The following CLVS1 variants were observed in gnomAD, a reference collection of about 807,000 sequenced individuals.
CLVS1 encodes clavesin-1.
Under a neutral mutation model 33.1 loss-of-function variants are expected in CLVS1, and 10 were observed. The observed-to-expected ratio is 0.30, with a 90% CI of 0.19 to 0.51. CLVS1 has a LOEUF of 0.51. Ranked by LOEUF, CLVS1 falls within the 20% of genes least tolerant of loss-of-function variation. The pLI is 0.97. For synonymous variants in CLVS1, 163 were observed against 166.1 expected (o/e 0.98, Z 0.14); for missense variants, 343 against 433.4 (o/e 0.79, Z 1.85).
At chr8:60,995,121 A>T in the CLVS1 span, among the ~76,000 whole-genome samples, 1 of 152,258 alleles carries the variant, frequency 6.6e-6, no homozygotes, top group Admixed American at 6.5e-5. Context: ...TTCATGTCTA[A>T]AACACCAAGC....
chr8:61,016,582 G>T, the CLVS1 span, among the ~76,000 whole-genome samples: 1 of 152,232 alleles, frequency 6.6e-6, no homozygotes, highest in Non-Finnish European at 1.5e-5. Flanking sequence ...TCCCTGAGCA[G>T]CTAAACTATC....
At chr8:61,000,164 C>T in the CLVS1 span, among the ~76,000 whole-genome samples, 9 of 152,276 alleles carry the variant, frequency 5.9e-5, no homozygotes, top group East Asian at 1.5e-3. Context: ...TGCTCTGAAT[C>T]CAATGATTTG....
intron 2 of CLVS1, among the ~76,000 whole-genome samples, chr8:61,365,526 T>C (rs1443359654): frequency 9.1e-6 from 1 of 109,492 alleles, no homozygotes; most frequent in Admixed American, 9.6e-5. Context: ...AAACACCATG[T>C]CAAAAAAAAA....
At chr8:61,139,667 G>A (rs185944233) in intron 2 of CLVS1, among the ~76,000 whole-genome samples, 1 of 152,198 alleles carries the variant, frequency 6.6e-6, no homozygotes, top group East Asian at 1.9e-4. Context: ...GGGGAGGCAC[G>A]GGGAGGGCGC....
intron 3 of CLVS1, among the ~76,000 whole-genome samples, chr8:61,434,831 T>C (rs1816257980): frequency 6.6e-6 from 1 of 152,140 alleles, no homozygotes; most frequent in Non-Finnish European, 1.5e-5. Context: ...CTCAGTTGAT[T>C]ATCTCCCGGG....
chr8:61,380,971 G>A (rs747557445), intron 3 of CLVS1, among the ~76,000 whole-genome samples: 4 of 152,014 alleles, frequency 2.6e-5, no homozygotes, highest in Non-Finnish European at 5.9e-5. Flanking sequence ...AAAAATATTT[G>A]ATTCCTTGAA....
At chr8:61,441,270 T>C (rs1366361921) in intron 3 of CLVS1, among the ~76,000 whole-genome samples, 5 of 152,206 alleles carry the variant, frequency 3.3e-5, no homozygotes, top group Admixed American at 1.3e-4. Flanking sequence ...GGTATGTGAC[T>C]GAAGGACTCC....
chr8:61,483,048 A>T (rs1160300175), intron 5 of CLVS1, among the ~76,000 whole-genome samples: 4 of 152,312 alleles, frequency 2.6e-5, no homozygotes, highest in South Asian at 4.2e-4. Context: ...AAGCAAGAGC[A>T]AACACATTCA....
chr8:61,055,325 C>T (rs1235530304), upstream of CLVS1, among the ~76,000 whole-genome samples: 1 of 152,218 alleles, frequency 6.6e-6, no homozygotes, highest in Admixed American at 6.5e-5. Flanking sequence ...GCCAGGTACA[C>T]ATCAATCTTC....
intron 5 of CLVS1, among the ~76,000 whole-genome samples, chr8:61,490,318 C>T (rs1480534241): frequency 6.9e-6 from 1 of 145,430 alleles, no homozygotes; most frequent in Non-Finnish European, 1.5e-5. Flanking sequence ...AGCAAAACTC[C>T]GTCTCAAAAA....
At chr8:60,971,912 A>G in the CLVS1 span, among the ~76,000 whole-genome samples, 1 of 151,524 alleles carries the variant, frequency 6.6e-6, no homozygotes, top group Admixed American at 6.6e-5. Context: ...TCAGTTTTCT[A>G]TTTTTGTGTA....
chr8:61,338,682 G>C (rs1184879837), intron 2 of CLVS1, among the ~76,000 whole-genome samples: 1 of 152,194 alleles, frequency 6.6e-6, no homozygotes, highest in East Asian at 1.9e-4. Flanking sequence ...AGCTGGCCCG[G>C]TGTCTCTCTC....
At chr8:61,359,866 C>T (rs950013327) in intron 2 of CLVS1, among the ~76,000 whole-genome samples, 2 of 152,148 alleles carry the variant, frequency 1.3e-5, no homozygotes, top group Admixed American at 6.5e-5. Context: ...GTCCCCTTGG[C>T]CTGCTTCATT....
At chr8:61,019,123 C>T in the CLVS1 span, among the ~76,000 whole-genome samples, 1 of 152,250 alleles carries the variant, frequency 6.6e-6, no homozygotes, top group Non-Finnish European at 1.5e-5. Flanking sequence ...TCTCCTATGC[C>T]TTAGATTGAC....
chr8:61,223,848 C>T (rs1480387240), intron 2 of CLVS1, among the ~76,000 whole-genome samples: 3 of 152,094 alleles, frequency 2.0e-5, no homozygotes, highest in Non-Finnish European at 4.4e-5. Flanking sequence ...TCCCATATTT[C>T]TTGGAGGCTT....
chr8:61,321,877 A>C (rs540583174), intron 2 of CLVS1, among the ~76,000 whole-genome samples: 3 of 152,232 alleles, frequency 2.0e-5, no homozygotes, highest in Non-Finnish European at 4.4e-5. Flanking sequence ...AGTGAGACTT[A>C]CCTTGACCAC....
At chr8:61,046,302 T>C in the CLVS1 span, among the ~76,000 whole-genome samples, 1 of 147,310 alleles carries the variant, frequency 6.8e-6, no homozygotes, top group Non-Finnish European at 1.5e-5. Context: ...TAGTTGTAGA[T>C]ATGCGGCATT....
chr8:61,106,003 C>T (rs1798281905), intron 1 of CLVS1, among the ~76,000 whole-genome samples: 1 of 152,182 alleles, frequency 6.6e-6, no homozygotes, highest in African/African-American at 2.4e-5. Context: ...TTTGCTGTGC[C>T]ATCAGCACTT....
At chr8:61,109,939 C>A (rs1183543019) in intron 1 of CLVS1, among the ~76,000 whole-genome samples, 1 of 152,290 alleles carries the variant, frequency 6.6e-6, no homozygotes, top group African/African-American at 2.4e-5. Context: ...TCCTAGGCTC[C>A]AGGACTGTAA....
Sources: gnomAD v4.1 joint callset for allele counts (sites outside exome capture counted in the v4.1 genomes callset) on GRCh38, gnomAD v4.1.1 for gene constraint, MANE v1.5 for transcripts, NCBI Gene and HGNC (gene_info 2026-07-23, HGNC 2026-07-21) for gene names.